The following PSG11 variants were observed in gnomAD, a reference collection of about 807,000 sequenced individuals.
PSG11 encodes pregnancy-specific beta-1-glycoprotein 11.
PSG11 carries 42 observed loss-of-function variants against 36.0 expected under a neutral mutation model. The observed-to-expected ratio is 1.17, with a 90% confidence interval of 0.91 to 1.51. PSG11 has a LOEUF of 1.51. Among genes scored for constraint, PSG11 ranks in the 40% most tolerant of loss-of-function variants. The pLI, the probability that PSG11 is intolerant of heterozygous loss-of-function variation, is 0.00. For missense variants in PSG11, 558 were observed against 403.5 expected, an observed-to-expected ratio of 1.38 and a Z score of -3.28; for synonymous variants, 206 against 153.5, an observed-to-expected ratio of 1.34 and a Z score of -2.53.
chr19:43,012,619 T>G (rs1396209664), intron 4 of PSG11, among the ~76,000 whole-genome samples: 1 of 151,378 alleles, frequency 6.6e-6, no homozygotes, highest in Non-Finnish European at 1.5e-5. Context: ...TGCAAAATAT[T>G]GCTGAAAGAA....
chr19:43,024,615 G>T (rs1470909461), intron 2 of PSG11, 76 bp downstream of exon 2: 30 of 1,605,410 alleles, frequency 1.9e-5, no homozygotes, highest in Non-Finnish European at 2.5e-5. Context: ...CAATGTCCAG[G>T]CCTGACAATC....
At position 43,024,980 on chromosome 19, in the gene PSG11, C is replaced by T. The variant is rs1424069467; in HGVS notation, c.141G>A (p.Glu47=). Residue 47 remains glutamate (E), a synonymous_variant, in exon 2 of 6, where the codon GAG becomes GAA. Transcript: ENST00000320078. ...GGACAAGTAGAAGAACATCCTTCCC[C>T]TCGGACACTTTGGGTGGCTGGGCTT... ...MIEAQPPKVS[E]GKDVLLLVHN... 4 of 1,611,452 alleles carry T rather than the reference C, an allele frequency of 2.5e-6. No homozygotes were observed. Among genetic ancestry groups the T allele is most frequent in the Non-Finnish European group, 3.4e-6 (4 of 1,178,854 alleles).
In PSG11 at chr19:43,019,949, C is replaced by A. The variant is rs902102774; in HGVS notation, c.431-901G>T. On this transcript the variant is annotated intron_variant, in intron 2 of 5. Coordinates refer to ENST00000320078, the MANE Select transcript of PSG11 (RefSeq NM_002785.3). ...CCATATGTGTTTGGTAGATATTAGACCAATATTTGGGAAGAAGTCTTGCAG... is the reference window on the plus strand; with the variant it reads ...CCATATGTGTTTGGTAGATATTAGAACAATATTTGGGAAGAAGTCTTGCAG... Among the ~76,000 whole-genome samples, 23 of 151,420 alleles carry A rather than the reference C, an allele frequency of 1.5e-4. 1 individual carries two copies. The highest frequency in any genetic ancestry group is 5.4e-4 in the African/African-American group (22 of 41,032).
Position 43,018,746 on chromosome 19 carries a change from C to A in PSG11, c.709+24G>T, listed in dbSNP as rs370033287. ...GTGTATTTGGGATGGCAGCCTGGCTCACAGAGGAACAGAAGATACTCACGG... is the reference window on the plus strand; with the variant it reads ...GTGTATTTGGGATGGCAGCCTGGCTAACAGAGGAACAGAAGATACTCACGG... On this transcript the variant is annotated intron_variant, in intron 3 of 5. Transcript: ENST00000320078. 3.7e-6 allele frequency: 6 copies of A among 1,611,992 alleles called. 1 individual carries two copies. The highest frequency in any genetic ancestry group is 3.3e-4 in the Middle Eastern group (2 of 6,068).
chr19:43,024,569 C>A, intron 2 of PSG11, 122 bp downstream of exon 2: 5 of 1,558,746 alleles, frequency 3.2e-6, no homozygotes, highest in East Asian at 2.2e-5. Flanking sequence ...AATGCCCAAA[C>A]CCCAGCATGG....
At chr19:43,010,155 CA>C (rs1568484862) in intron 4 of PSG11, 114 bp from the exon 5 acceptor site, 1 of 1,474,044 alleles carries the variant, frequency 6.8e-7, no homozygotes, top group East Asian at 2.5e-5. Flanking sequence ...TCAAGGACTA[CA>C]TTATTTCTGT....
chr19:43,014,643 G>A lies in PSG11; in HGVS notation c.964+473C>T. The A allele has an allele frequency of 6.4e-6, 7 of 1,100,728 alleles. No individual in the cohort carries two copies. The South Asian group carries it at 2.0e-4, about 32-fold the overall frequency. 68.2% of individuals were successfully genotyped at this position (1,100,728 alleles called of 1,614,324 possible). A position where few individuals can be genotyped will look rare whatever the true frequency, so the allele number is the denominator to read the frequency against. Reference sequence around the variant, plus strand: ...ACCAGAGGAGCCCGGAGCAGAGCAGGAAGCAGAGTCTGAGCTGCTCCTCCC... The same window carrying A: ...ACCAGAGGAGCCCGGAGCAGAGCAGAAAGCAGAGTCTGAGCTGCTCCTCCC... On this transcript the variant is annotated intron_variant, in intron 4 of 5. Transcript: ENST00000320078.
At chr19:43,008,523 A>C (rs1973989177) in intron 5 of PSG11, among the ~76,000 whole-genome samples, 1 of 151,144 alleles carries the variant, frequency 6.6e-6, no homozygotes, top group African/African-American at 2.4e-5. Context: ...TGATCCACCC[A>C]CCTCAGTCTC....
chr19:43,025,358 T>A (rs8111609), intron 1 of PSG11: 1 of 409,434 alleles, frequency 2.4e-6, no homozygotes, highest in Non-Finnish European at 4.3e-6. Flanking sequence ...CATGGCCCCC[T>A]CCACACTGCC....
At chr19:43,015,405 A>G (rs1388477449) in intron 3 of PSG11, 35 bp from the exon 4 acceptor site, 4 of 1,587,678 alleles carry the variant, frequency 2.5e-6, no homozygotes, top group East Asian at 2.2e-5. Flanking sequence ...AGTTGATGTC[A>G]TCTGAGGGAA....
chr19:43,025,158 A>AGG, intron 1 of PSG11, 102 bp from the exon 2 acceptor site: 1 of 1,357,038 alleles, frequency 7.4e-7, no homozygotes, highest in South Asian at 1.4e-5. Flanking sequence ...CTCAGCCTTG[A>AGG]AGACACACAC....
At chr19:43,013,092 A>C (rs1185208202) in intron 4 of PSG11, among the ~76,000 whole-genome samples, 4 of 151,398 alleles carry the variant, frequency 2.6e-5, no homozygotes, top group Admixed American at 6.6e-5. Flanking sequence ...GAAGAGTGGA[A>C]CCTTTACCTA....
At chr19:43,015,544 C>A (rs1966941526) in intron 3 of PSG11, among the ~76,000 whole-genome samples, 174 bp from the exon 4 acceptor site, 1 of 151,386 alleles carries the variant, frequency 6.6e-6, no homozygotes, top group African/African-American at 2.4e-5. Context: ...TCTCCCACCA[C>A]AAGCTGTGGG....
intron 2 of PSG11, among the ~76,000 whole-genome samples, chr19:43,020,355 A>G (rs1599678052): frequency 1.3e-5 from 2 of 151,440 alleles, no homozygotes; most frequent in Admixed American, 1.3e-4. Context: ...TTAGCATCAC[A>G]TCAGTGGTCA....
At chr19:43,026,264 C>T (rs760895307) in intron 1 of PSG11, 45 bp downstream of exon 1, 1 of 1,607,298 alleles carries the variant, frequency 6.2e-7, no homozygotes, top group Non-Finnish European at 8.5e-7. Flanking sequence ...CATCCAGTCA[C>T]TCTGCTTCCT....
chr19:43,020,919 A>T (rs1967086773), intron 2 of PSG11, among the ~76,000 whole-genome samples: 1 of 151,422 alleles, frequency 6.6e-6, no homozygotes, highest in African/African-American at 2.4e-5. Context: ...ACACCACTAG[A>T]GTTTAAGTTT....
At chr19:43,026,191 T>A in intron 1 of PSG11, 118 bp downstream of exon 1, 1 of 1,471,696 alleles carries the variant, frequency 6.8e-7, no homozygotes, top group Non-Finnish European at 9.3e-7. Flanking sequence ...TCCACCCACC[T>A]CAGCCTCCCT....
intron 2 of PSG11, among the ~76,000 whole-genome samples, chr19:43,021,342 T>C (rs1376664320): frequency 6.6e-6 from 1 of 151,296 alleles, no homozygotes; most frequent in Non-Finnish European, 1.5e-5. Context: ...AAAAGAATTC[T>C]TCATTTCTCT....
intron 2 of PSG11, among the ~76,000 whole-genome samples, chr19:43,021,549 A>G (rs1967102312): frequency 6.6e-6 from 1 of 151,102 alleles, no homozygotes; most frequent in Admixed American, 6.6e-5. Context: ...GATGGGCTTT[A>G]ACCATGTTAG....
Sources: allele counts gnomAD v4.1 joint callset (sites outside exome capture counted in the v4.1 genomes callset), GRCh38; gene constraint gnomAD v4.1.1; transcripts MANE v1.5; gene names NCBI Gene and HGNC (gene_info 2026-07-23, HGNC 2026-07-21).